C1orf167: variants seen among roughly 807,000 people sequenced by gnomAD.
C1orf167 encodes the protein chromosome 1 open reading frame 167, also known as uncharacterized protein C1orf167.
Under a neutral mutation model 176.5 loss-of-function variants are expected in C1orf167, and 153 were observed. That is an observed-to-expected ratio of 0.87 (90% CI 0.76 to 0.99). The LOEUF is 0.99. C1orf167 is among the 50% of genes least tolerant of loss of function. The probability of loss-of-function intolerance (pLI) is 0.00; values close to 1 mark genes in which losing one functional copy is unlikely to be tolerated. For missense variants in C1orf167, 1,490 were observed against 1,817.7 expected (o/e 0.82, Z 3.28); for synonymous variants, 594 against 752.7 (o/e 0.79, Z 3.45).
Position 11,787,377 on chromosome 1 carries a change from T to C in C1orf167, c.3568-11T>C. The C allele has an allele frequency of 7.8e-7, 1 of 1,281,488 alleles. No individual in the cohort carries two copies. Among genetic ancestry groups the C allele is most frequent in the Non-Finnish European group, 1.0e-6 (1 of 977,142 alleles). The allele number at this position is 1,281,488 out of a possible 1,614,324, so 79.4% of individuals were successfully genotyped here. A position where few individuals can be genotyped will look rare whatever the true frequency, so the allele number is the denominator to read the frequency against. ...TGGGGTTCAGGTGCTCCTCTCTGGC[T>C]ATTCCTTCAGACCCGCAGCTGCTGG... On this transcript the variant is annotated splice_polypyrimidine_tract_variant and intron_variant, in intron 16 of 20. Transcript: ENST00000688073.
intron 1 of C1orf167, 116 bp from the exon 2 acceptor site, chr1:11,764,215 C>T (rs1345068434): frequency 2.6e-6 from 1 of 389,462 alleles, no homozygotes; most frequent in Non-Finnish European, 5.0e-6. Flanking sequence ...AGGGGCAGGC[C>T]CCAGGCAGCT....
rs1642806612 is a variant in C1orf167, at chr1:11,766,564, C to A, written c.778C>A (p.Gln260Lys). ...AGCCCGACTCAGGTGCCAGGCTCCCCAGGAACCCCCCGGTGCTGTGCAGCA... is the reference window on the plus strand; with the variant it reads ...AGCCCGACTCAGGTGCCAGGCTCCCAAGGAACCCCCCGGTGCTGTGCAGCA... ...EAARLRCQAP[Q>K]EPPGAVQQDL... The change falls in exon 3 of 21, where the codon CAG (glutamine) becomes AAG (lysine). Residue 260 changes from glutamine to lysine, a missense_variant. Physicochemically the swap from Gln to Lys is moderately conservative, Grantham distance 53. Transcript: ENST00000688073. This position sits in a 1 kb window ranked among gnomAD's most constrained non-coding sequence, Gnocchi z 4.5. The A allele has an allele frequency of 8.0e-7, 1 of 1,248,416 alleles. No homozygotes were observed. The highest frequency in any genetic ancestry group is 1.5e-5 in the African/African-American group (1 of 64,846). 77.3% of individuals were successfully genotyped at this position (1,248,416 alleles called of 1,614,324 possible). A position where few individuals can be genotyped will look rare whatever the true frequency, so the allele number is the denominator to read the frequency against.
At chr1:11,782,479 C>G in intron 14 of C1orf167, 146 bp downstream of exon 14, 1 of 824,766 alleles carries the variant, frequency 1.2e-6, no homozygotes, top group Non-Finnish European at 1.6e-6. Context: ...GAGATCCTAG[C>G]CTGGAAACAC....
chr1:11,787,809 G>A, intron 17 of C1orf167, 64 bp from the exon 18 acceptor site: 1 of 1,182,744 alleles, frequency 8.5e-7, no homozygotes, highest in South Asian at 1.6e-5. Context: ...TCCTAGGCGG[G>A]CACTAAGAGC....
Position 11,766,428 on chromosome 1 carries a change from A to G in C1orf167, c.642A>G (p.Glu214=). 3 of 1,283,198 alleles carry G rather than the reference A, an allele frequency of 2.3e-6. No homozygotes were observed. The highest frequency in any genetic ancestry group is 3.0e-6 in the Non-Finnish European group (3 of 985,692). The allele number at this position is 1,283,198 out of a possible 1,614,324, so 79.5% of individuals were successfully genotyped here. Residue 214 remains glutamate (E), a synonymous_variant, in exon 3 of 21, where the codon GAA becomes GAG. Transcript: ENST00000688073. The surrounding 1 kb of genome is among the most constrained non-coding windows in gnomAD (Gnocchi z 4.5). ...LGSWRSRLVG[E]PLTLEDLAVP... ...GCTGGAGGTCCAGGCTGGTGGGGGA[A>G]CCTCTCACCCTGGAGGACCTGGCTG...
chr1:11,774,077 A>AT (rs1218404394), intron 8 of C1orf167, among the ~76,000 whole-genome samples: 1 of 152,028 alleles, frequency 6.6e-6, no homozygotes, highest in Admixed American at 6.6e-5. Flanking sequence ...TAATTTTTAA[A>AT]TTTTTTGTAG....
chr1:11,788,183 C>A lies in C1orf167; in HGVS notation c.3883C>A (p.Gln1295Lys). 2 of 1,295,336 alleles carry A rather than the reference C, an allele frequency of 1.5e-6. No homozygotes were observed. The highest frequency in any genetic ancestry group is 2.0e-6 in the Non-Finnish European group (2 of 981,682). 80.2% of individuals were successfully genotyped at this position (1,295,336 alleles called of 1,614,324 possible). Reference protein sequence around the residue: ...RSCRILEKQAQAHGSALLLAL... With the variant: ...RSCRILEKQAKAHGSALLLAL... ...CTGCAGGATCCTGGAAAAGCAGGCC[C>A]AGGCCCATGGCTCTGCCCTCCTTCT... The change falls in exon 19 of 21, where the codon CAG becomes AAG. Residue 1295 changes from glutamine to lysine, a missense_variant. Physicochemically the swap from Gln to Lys is moderately conservative, Grantham distance 53 (BLOSUM62 1). Transcript: ENST00000688073.
At chr1:11,773,430 G>A (rs1037264124) in intron 8 of C1orf167, among the ~76,000 whole-genome samples, 22 of 151,874 alleles carry the variant, frequency 1.4e-4, no homozygotes, top group Admixed American at 1.3e-4. Flanking sequence ...ACCACTGGCC[G>A]GGCGCGGTGG....
chr1:11,767,819 C>G (rs890079078), intron 4 of C1orf167, among the ~76,000 whole-genome samples: 1 of 152,040 alleles, frequency 6.6e-6, no homozygotes, highest in Non-Finnish European at 1.5e-5. Flanking sequence ...GAGCAAGACT[C>G]TGTCTCAAAA....
In C1orf167 at chr1:11,776,557, T is replaced by C. The variant is rs1161020994; in HGVS notation, c.2258T>C (p.Leu753Pro). The change falls in exon 10 of 21, where the codon CTG becomes CCG. Residue 753 changes from leucine to proline, a missense_variant. Leu to Pro is a moderately conservative substitution (Grantham distance 98, BLOSUM62 -3). Transcript: ENST00000688073. ...QGQQEQGRGS[L>P]QDACWTLALC... The stretch of plus-strand genomic sequence containing the variant: ...CAGCAGGAGCAAGGCCGGGGCTCCC[T>C]GCAGGATGCCTGCTGGACACTGGCC... 1 of 1,274,672 alleles carries C rather than the reference T, an allele frequency of 7.8e-7. No individual in the cohort carries two copies. Among genetic ancestry groups the C allele is most frequent in the Admixed American group, 2.7e-5 (1 of 37,210 alleles). 79.0% of individuals were successfully genotyped at this position (1,274,672 alleles called of 1,614,324 possible). A position where few individuals can be genotyped will look rare whatever the true frequency, so the allele number is the denominator to read the frequency against.
Position 11,778,842 on chromosome 1 carries a change from G to A in C1orf167, c.2496+26G>A, listed in dbSNP as rs549814993. On this transcript the variant is annotated intron_variant, in intron 11 of 20. Transcript: ENST00000688073. ...GTGAGAGGTAGGAGGGTGGGGAGGGGCTGGGGCAGGTAGGGGTGGATGGGT... is the reference window on the plus strand; with the variant it reads ...GTGAGAGGTAGGAGGGTGGGGAGGGACTGGGGCAGGTAGGGGTGGATGGGT... 6.7e-5 allele frequency: 87 copies of A among 1,294,058 alleles called. No homozygotes were observed. In the African/African-American group the frequency reaches 1.0e-3, roughly 16 times the overall value. 80.2% of individuals were successfully genotyped at this position (1,294,058 alleles called of 1,614,324 possible). A position where few individuals can be genotyped will look rare whatever the true frequency, so the allele number is the denominator to read the frequency against.
chr1:11,784,438 G>T lies in C1orf167; in HGVS notation c.3270G>T (p.Val1090=). The change falls in exon 15 of 21, where the codon GTG becomes GTT. Residue 1090 remains valine (V), a synonymous_variant. Transcript: ENST00000688073. ...CACAGGCCTTCCCAGCATGGCCAGT[G>T]GCCCCGGGCATGCACCATGAGGCCC... The part of the protein sequence containing the change: ...RAPQAFPAWP[V]APGMHHEAQQ... 7.7e-7 allele frequency: 1 copy of T among 1,303,658 alleles called. No individual in the cohort carries two copies. Among genetic ancestry groups the T allele is most frequent in the Non-Finnish European group, 1.0e-6 (1 of 988,918 alleles). 80.8% of individuals were successfully genotyped at this position (1,303,658 alleles called of 1,614,324 possible).
intron 14 of C1orf167, among the ~76,000 whole-genome samples, chr1:11,783,439 G>A (rs1052867961): frequency 1.3e-5 from 2 of 152,042 alleles, no homozygotes; most frequent in African/African-American, 2.4e-5. Flanking sequence ...TAGAGACGGG[G>A]TTTCTCCATG....
At chr1:11,787,324 C>T (rs1225821670) in intron 16 of C1orf167, 64 bp from the exon 17 acceptor site, 3 of 1,074,106 alleles carry the variant, frequency 2.8e-6, no homozygotes, top group Admixed American at 3.5e-5. Flanking sequence ...GAAGAAATCC[C>T]AGCGGGGCCC....
chr1:11,778,716 A>C lies in C1orf167; in HGVS notation c.2396A>C (p.His799Pro), dbSNP rs1643446365. The change falls in exon 11 of 21, where the codon CAC (histidine) becomes CCC (proline). Residue 799 changes from histidine to proline, a missense_variant. Transcript: ENST00000688073. The part of the protein sequence containing the change: ...RMLQRSLRWW[H>P]LRALGPDATS... Reference sequence around the variant, plus strand: ...CTGCAGCGCAGCCTGAGATGGTGGCACTTGAGGGCACTGGGCCCAGATGCC... The same window carrying C: ...CTGCAGCGCAGCCTGAGATGGTGGCCCTTGAGGGCACTGGGCCCAGATGCC... The C allele has an allele frequency of 7.7e-7, 1 of 1,303,888 alleles. No homozygotes were observed. 80.8% of individuals were successfully genotyped at this position (1,303,888 alleles called of 1,614,324 possible).
intron 6 of C1orf167, among the ~76,000 whole-genome samples, chr1:11,769,757 C>T (rs939478618): frequency 1.3e-5 from 2 of 151,518 alleles, no homozygotes; most frequent in East Asian, 2.0e-4. Context: ...CTGCAAGCTC[C>T]GCCTCCCAGG....
Position 11,776,211 on chromosome 1 carries a change from C to T in C1orf167, c.2165-253C>T, listed in dbSNP as rs150493804. ...GGCTGAGGTTGCAGTGAGCTGAGATCGTGCCATTGCATTCCAGCCTGGGCG... is the reference window on the plus strand; with the variant it reads ...GGCTGAGGTTGCAGTGAGCTGAGATTGTGCCATTGCATTCCAGCCTGGGCG... On this transcript the variant is annotated intron_variant, in intron 9 of 20. Transcript: ENST00000688073. Among the ~76,000 whole-genome samples, 313 of 152,274 alleles carry T rather than the reference C, an allele frequency of 2.1e-3. 4 individuals are homozygous for T. Among genetic ancestry groups the T allele is most frequent in the African/African-American group, 7.3e-3 (302 of 41,560 alleles).
At position 11,789,510 on chromosome 1, in the gene C1orf167, A is replaced by G. The variant is rs1557753885; in HGVS notation, c.*64A>G. On this transcript the variant is annotated 3_prime_UTR_variant, in exon 21 of 21. Coordinates refer to ENST00000688073, the MANE Select transcript of C1orf167 (RefSeq NM_001010881.2). Reference sequence around the variant, plus strand: ...CTTCCCAGGGAAGGAACCATGCCCCACACATCCAGGGAGTGATGACAGAGG... The same window carrying G: ...CTTCCCAGGGAAGGAACCATGCCCCGCACATCCAGGGAGTGATGACAGAGG... The G allele has an allele frequency of 7.9e-7, 1 of 1,262,462 alleles. No individual in the cohort carries two copies. Among genetic ancestry groups the G allele is most frequent in the South Asian group, 1.3e-5 (1 of 77,368 alleles). The allele number at this position is 1,262,462 out of a possible 1,614,324, so 78.2% of individuals were successfully genotyped here. A position where few individuals can be genotyped will look rare whatever the true frequency, so the allele number is the denominator to read the frequency against.
chr1:11,784,207 C>T lies in C1orf167; in HGVS notation c.3039C>T (p.Asp1013=). ...YFQAWCEVVR[D]TGVLRAQHQA... Reference sequence around the variant, plus strand: ...AGGCCTGGTGTGAGGTTGTAAGAGACACGGGGGTGCTCCGGGCCCAGCATC... The same window carrying T: ...AGGCCTGGTGTGAGGTTGTAAGAGATACGGGGGTGCTCCGGGCCCAGCATC... Residue 1013 remains aspartate (D), a synonymous_variant, in exon 15 of 21, where the codon GAC becomes GAT. Transcript: ENST00000688073. 1.6e-6 allele frequency: 2 copies of T among 1,266,218 alleles called. No homozygotes were observed. The highest frequency in any genetic ancestry group is 2.1e-6 in the Non-Finnish European group (2 of 969,012). 78.4% of individuals were successfully genotyped at this position (1,266,218 alleles called of 1,614,324 possible).
Sources: gnomAD v4.1 joint callset for allele counts (sites outside exome capture counted in the v4.1 genomes callset) on GRCh38, gnomAD v4.1.1 for gene constraint, Gnocchi (gnomAD v3.1) non-coding constraint, MANE v1.5 for transcripts, NCBI Gene and HGNC (gene_info 2026-07-23, HGNC 2026-07-21) for gene names.